The following CNTN4 variants were observed in gnomAD, a reference collection of about 807,000 sequenced individuals.
CNTN4 encodes the protein contactin 4, also known as contactin-4.
CNTN4 carries 77 observed loss-of-function variants against 122.5 expected under a neutral mutation model. That is an observed-to-expected ratio of 0.63 (90% CI 0.52 to 0.76). CNTN4 has a LOEUF of 0.76. CNTN4 is among the 30% of genes least tolerant of loss of function. The probability of loss-of-function intolerance (pLI) is 0.00; values close to 1 mark genes in which losing one functional copy is unlikely to be tolerated. For synonymous variants in CNTN4, 512 were observed against 447.0 expected (o/e 1.15, Z -1.83); for missense variants, 1,256 against 1,259.1 (o/e 1.00, Z 0.04).
chr3:3,041,575 G>A (rs923309801), intron 20 of CNTN4, among the ~76,000 whole-genome samples: 1 of 152,174 alleles, frequency 6.6e-6, no homozygotes, highest in Non-Finnish European at 1.5e-5. Context: ...TAGACTGACT[G>A]TTTCCCAAAT....
At chr3:3,038,671 G>A (rs1470795594) in intron 18 of CNTN4, among the ~76,000 whole-genome samples, 1 of 152,232 alleles carries the variant, frequency 6.6e-6, no homozygotes, top group Non-Finnish European at 1.5e-5. Context: ...TAGGGATGGA[G>A]CTGAACAATT....
intron 6 of CNTN4, among the ~76,000 whole-genome samples, chr3:2,791,330 G>C (rs55877751): frequency 0.48 from 72,320 of 151,568 alleles, 17,348 homozygotes; most frequent in East Asian, 0.62. Flanking sequence ...CCAGGAGTTC[G>C]AGACTAACCT....
intron 3 of CNTN4, among the ~76,000 whole-genome samples, chr3:2,421,293 C>T (rs2047608725): frequency 6.8e-6 from 1 of 147,156 alleles, no homozygotes; most frequent in Non-Finnish European, 1.5e-5. Flanking sequence ...GGCTCTGTTG[C>T]CCAGGCTGGA....
chr3:2,658,550 A>G (rs1231720194), intron 4 of CNTN4, among the ~76,000 whole-genome samples: 1 of 152,198 alleles, frequency 6.6e-6, no homozygotes, highest in Non-Finnish European at 1.5e-5. Context: ...TGTTCCATCT[A>G]TGTTGTGTTG....
At chr3:2,890,627 A>AT (rs1218014064) in intron 10 of CNTN4, among the ~76,000 whole-genome samples, 2 of 152,120 alleles carry the variant, frequency 1.3e-5, no homozygotes, top group African/African-American at 4.8e-5. Flanking sequence ...CATTAAAACC[A>AT]TTTTGCCTTC....
At chr3:2,534,617 G>A (rs34659081) in intron 3 of CNTN4, among the ~76,000 whole-genome samples, 34,237 of 150,416 alleles carry the variant, frequency 0.23, 4,242 homozygotes, top group East Asian at 0.53. Context: ...TGGTCATTAC[G>A]TGTCCTCTGG....
At chr3:2,287,392 A>C (rs2041939361) in intron 2 of CNTN4, among the ~76,000 whole-genome samples, 1 of 151,956 alleles carries the variant, frequency 6.6e-6, no homozygotes, top group African/African-American at 2.4e-5. Flanking sequence ...GCTTGAGCTC[A>C]GAAGTTCCAG....
intron 13 of CNTN4, among the ~76,000 whole-genome samples, chr3:2,929,246 G>A (rs909642657): frequency 6.6e-6 from 1 of 152,210 alleles, no homozygotes; most frequent in African/African-American, 2.4e-5. Flanking sequence ...CATAAAGGCA[G>A]TTGGAATCAT....
At chr3:2,512,820 T>C (rs193112754) in intron 3 of CNTN4, among the ~76,000 whole-genome samples, 68 of 152,208 alleles carry the variant, frequency 4.5e-4, no homozygotes, top group African/African-American at 1.5e-3. Flanking sequence ...GAGTGGGAAA[T>C]ACAGTTTCCC....
chr3:2,739,537 A>C (rs1254219451), intron 5 of CNTN4, among the ~76,000 whole-genome samples: 1 of 152,150 alleles, frequency 6.6e-6, no homozygotes, highest in Non-Finnish European at 1.5e-5. Flanking sequence ...ATAGTATGTA[A>C]TTTCATATTC....
At chr3:2,886,597 C>T (rs1471220205) in intron 9 of CNTN4, among the ~76,000 whole-genome samples, 2 of 150,198 alleles carry the variant, frequency 1.3e-5, no homozygotes, top group East Asian at 2.0e-4. Flanking sequence ...CTGCAACCTC[C>T]GCTTCCCAGG....
intron 2 of CNTN4, among the ~76,000 whole-genome samples, chr3:2,253,352 G>C (rs760675030): frequency 1.3e-5 from 2 of 152,024 alleles, no homozygotes; most frequent in Non-Finnish European, 2.9e-5. Context: ...GTTTATTTTT[G>C]ACAGGAGTTG....
At chr3:2,470,814 C>G (rs1390800545) in intron 3 of CNTN4, among the ~76,000 whole-genome samples, 1 of 152,144 alleles carries the variant, frequency 6.6e-6, no homozygotes, top group Non-Finnish European at 1.5e-5. Flanking sequence ...TGAAGCTGAA[C>G]TGAGGAAAGT....
chr3:2,502,870 TTATTCCTGTTATCACTGATACTCATTAC>T (rs1352623248), intron 3 of CNTN4, among the ~76,000 whole-genome samples: 64 of 152,306 alleles, frequency 4.2e-4, no homozygotes, highest in African/African-American at 1.4e-3. Flanking sequence ...TTTATTATGA[TTATTCCTGTTATCACTGATACTCATTAC>T]TAACTTCCCA....
At chr3:2,600,174 T>G (rs914050805) in intron 4 of CNTN4, among the ~76,000 whole-genome samples, 9 of 151,954 alleles carry the variant, frequency 5.9e-5, no homozygotes, top group African/African-American at 2.2e-4. Context: ...TCTGGGGCTC[T>G]AATTATATGA....
At chr3:2,545,279 CA>C (rs2149323019) in intron 3 of CNTN4, among the ~76,000 whole-genome samples, 1 of 152,036 alleles carries the variant, frequency 6.6e-6, no homozygotes, top group Admixed American at 6.6e-5. Context: ...GTTTTATGTC[CA>C]ATTGTGTGGT....
intron 2 of CNTN4, among the ~76,000 whole-genome samples, chr3:2,140,462 C>T (rs1157123814): frequency 1.3e-5 from 2 of 152,096 alleles, no homozygotes; most frequent in Non-Finnish European, 2.9e-5. Context: ...AGTCCAAGAT[C>T]ACGGCAACCT....
chr3:2,729,484 C>G (rs1442107880), intron 4 of CNTN4, among the ~76,000 whole-genome samples: 1 of 132,338 alleles, frequency 7.6e-6, no homozygotes, highest in Non-Finnish European at 1.5e-5. Flanking sequence ...GTGGAGGTTG[C>G]AGTGAGCCGA....
chr3:2,692,401 G>T (rs2085791358), intron 4 of CNTN4, among the ~76,000 whole-genome samples: 1 of 152,070 alleles, frequency 6.6e-6, no homozygotes. Context: ...CCTTGATGAA[G>T]TTCAGTGAAT....
Sources: allele counts gnomAD v4.1 joint callset (sites outside exome capture counted in the v4.1 genomes callset), GRCh38; gene constraint gnomAD v4.1.1; transcripts MANE v1.5; gene names NCBI Gene and HGNC (gene_info 2026-07-23, HGNC 2026-07-21).